The following NF1 variants were observed in gnomAD, a reference collection of about 807,000 sequenced individuals.
NF1 encodes the protein neurofibromin 1, also known as neurofibromin.
A neutral mutation model predicts 325.7 loss-of-function variants in NF1; 122 were observed. The ratio of observed to expected loss-of-function variants is 0.37; its 90% confidence interval spans 0.32 to 0.44. The LOEUF is 0.44. Among genes scored for constraint, NF1 ranks in the 20% least tolerant of loss-of-function variants. The pLI, the probability that NF1 is intolerant of heterozygous loss-of-function variation, is 1.00. For missense variants in NF1, 2,140 were observed against 3,415.4 expected, an observed-to-expected ratio of 0.63 and a Z score of 9.31; for synonymous variants, 1,091 against 1,186.0, an observed-to-expected ratio of 0.92 and a Z score of 1.65.
chr17:31,209,852 T>C lies in NF1; in HGVS notation c.1392+3481T>C, dbSNP rs79058617. On this transcript the variant is annotated intron_variant, in intron 12 of 57. Transcript: ENST00000358273. The stretch of plus-strand genomic sequence containing the variant: ...TTTTAGTAGACCATTTAGCACCATT[T>C]TGGGCAGGCTACTCTTGAACTGTGA... Among the ~76,000 whole-genome samples, 15 of 152,300 alleles carry C rather than the reference T, an allele frequency of 9.8e-5. No homozygotes were observed. The East Asian group carries it at 2.3e-3, about 24-fold the overall frequency.
chr17:31,372,952 G>C (rs977726479), intron 57 of NF1, among the ~76,000 whole-genome samples: 6 of 152,162 alleles, frequency 3.9e-5, no homozygotes, highest in Non-Finnish European at 7.3e-5. Context: ...GAAGTTCAAG[G>C]TTATAGTGAG....
intron 8 of NF1, among the ~76,000 whole-genome samples, chr17:31,194,388 A>G (rs1343557908): frequency 6.6e-6 from 1 of 152,130 alleles, no homozygotes; most frequent in Non-Finnish European, 1.5e-5. Context: ...TGGGAAGGAT[A>G]GGGTGCGGGG....
Position 31,326,112 on chromosome 17 carries a change from G to C in NF1, c.5128G>C (p.Asp1710His), listed in dbSNP as rs1428709938. The C allele has an allele frequency of 6.2e-7, 1 of 1,613,420 alleles. No individual in the cohort carries two copies. Among genetic ancestry groups the C allele is most frequent in the South Asian group, 1.1e-5 (1 of 91,080 alleles). ...AGGTAGCAAAAGGCTTGTTTTCATA[G>C]ACTGTCCTGGGAAACTGGCTGAGCA... ...LKGSKRLVFIDCPGKLAEHIE... is the reference protein window; with the variant it reads ...LKGSKRLVFIHCPGKLAEHIE... Residue 1710 changes from aspartate to histidine, a missense_variant, in exon 37 of 58, where the codon GAC becomes CAC. Transcript: ENST00000358273.
At chr17:31,268,356 C>G (rs1453519456) in intron 36 of NF1, among the ~76,000 whole-genome samples, 1 of 151,760 alleles carries the variant, frequency 6.6e-6, no homozygotes, top group Admixed American at 6.6e-5. Context: ...TGGCTGGGCG[C>G]GGTGGCTCAT....
chr17:31,310,940 C>CT (rs77429998), intron 36 of NF1, among the ~76,000 whole-genome samples: 2,621 of 130,842 alleles, frequency 0.02, 62 homozygotes, highest in African/African-American at 0.055. Context: ...AAGACATGTT[C>CT]TTTTTTTTTT....
At chr17:31,096,006 T>C (rs1157987860) in intron 1 of NF1, among the ~76,000 whole-genome samples, 1 of 152,046 alleles carries the variant, frequency 6.6e-6, no homozygotes, top group African/African-American at 2.4e-5. Flanking sequence ...TGCACATCTT[T>C]GTGATGCCCT....
At chr17:31,294,704 AC>A (rs1285008110) in intron 36 of NF1, 68 of 404,822 alleles carry the variant, frequency 1.7e-4, no homozygotes, top group Non-Finnish European at 1.9e-4. Flanking sequence ...TACATAAAAT[AC>A]ATATTAAAGT....
Position 31,350,188 on chromosome 17 carries a change from C to T in NF1, c.7327C>T (p.Leu2443Phe), listed in dbSNP as rs2151574244. ...TGCCACCGTTTTCCTTTTAGCTTTA[C>T]TTACAGTGTCTGAAGAAGTTCGAAG... ...TQSVAYLAALLTVSEEVRSRC... is the reference protein window; with the variant it reads ...TQSVAYLAALFTVSEEVRSRC... The change falls in exon 50 of 58, where the codon CTT becomes TTT. Residue 2443 changes from leucine to phenylalanine, a missense_variant. By Grantham distance (22) the Leu-to-Phe change is conservative. Around this residue, in one of 10 missense-constraint regions of NF1, gnomAD observed 522 missense variants for 749.0 expected, o/e 0.70. Transcript: ENST00000358273. 6.2e-7 allele frequency: 1 copy of T among 1,613,914 alleles called. No individual in the cohort carries two copies. Among genetic ancestry groups the T allele is most frequent in the Non-Finnish European group, 8.5e-7 (1 of 1,179,876 alleles).
chr17:31,334,986 G>A lies in NF1; in HGVS notation c.5961G>A (p.Gln1987=), dbSNP rs757536610. 23 of 1,613,196 alleles carry A rather than the reference G, an allele frequency of 1.4e-5. No individual in the cohort carries two copies. The African/African-American group carries it at 2.3e-4, about 16-fold the overall frequency. The change falls in exon 40 of 58, where the codon CAG becomes CAA. Residue 1987 remains glutamine (Q), a synonymous_variant. Transcript: ENST00000358273. ...KLITMTINEK[Q]MYPSIQAKIW... Reference sequence around the variant, plus strand: ...TAACAATGACCATCAATGAAAAACAGATGTACCCATCTATTCAAGCAAAAA... The same window carrying A: ...TAACAATGACCATCAATGAAAAACAAATGTACCCATCTATTCAAGCAAAAA...
chr17:31,310,805 C>T (rs1024763141), intron 36 of NF1, among the ~76,000 whole-genome samples: 1 of 152,092 alleles, frequency 6.6e-6, no homozygotes, highest in African/African-American at 2.4e-5. Context: ...TAGGCTGGCA[C>T]TTTGAGGTTT....
intron 4 of NF1, among the ~76,000 whole-genome samples, chr17:31,168,643 G>C (rs529386770): frequency 3.0e-4 from 45 of 152,204 alleles, no homozygotes; most frequent in African/African-American, 9.6e-4. Flanking sequence ...ATTTGGCTGG[G>C]GGGGGACAAG....
In NF1 at chr17:31,334,891, C is replaced by G. The variant is rs747678243; in HGVS notation, c.5866C>G (p.Leu1956Val). ...ATACATGACTCCATGGCTGTCAAAT[C>G]TAGTTCGTTTTTGCAAGCATAATGA... ...LEYMTPWLSN[L>V]VRFCKHNDDA... The change falls in exon 40 of 58, where the codon CTA becomes GTA. Residue 1956 changes from leucine to valine, a missense_variant. Physicochemically the swap from Leu to Val is conservative, Grantham distance 32 (BLOSUM62 1). Coordinates refer to ENST00000358273, the MANE Select transcript of NF1 (RefSeq NM_001042492.3). The G allele has an allele frequency of 4.3e-6, 7 of 1,613,884 alleles. No homozygotes were observed. The South Asian group carries it at 6.6e-5, about 15-fold the overall frequency.
intron 57 of NF1, among the ~76,000 whole-genome samples, chr17:31,368,063 C>T (rs1383597454): frequency 6.6e-6 from 1 of 152,090 alleles, no homozygotes; most frequent in Non-Finnish European, 1.5e-5. Flanking sequence ...TTTTATTCAC[C>T]TGTAATTAAT....
intron 36 of NF1, among the ~76,000 whole-genome samples, chr17:31,271,819 T>C (rs1267096197): frequency 4.0e-5 from 6 of 151,272 alleles, no homozygotes; most frequent in Non-Finnish European, 8.8e-5. Flanking sequence ...CCCCATCCTC[T>C]ATCCCCTATC....
chr17:31,160,136 A>C (rs983360953), intron 3 of NF1, among the ~76,000 whole-genome samples: 1 of 152,198 alleles, frequency 6.6e-6, no homozygotes, highest in Non-Finnish European at 1.5e-5. Context: ...CACAGGCTGA[A>C]GTGCAGTGGC....
chr17:31,180,702 C>T (rs2066112567), intron 5 of NF1, among the ~76,000 whole-genome samples: 2 of 152,188 alleles, frequency 1.3e-5, no homozygotes, highest in African/African-American at 4.8e-5. Flanking sequence ...AGGATGCCCT[C>T]TCTCACCACT....
At chr17:31,104,406 A>G (rs1262780335) in intron 1 of NF1, among the ~76,000 whole-genome samples, 3 of 152,234 alleles carry the variant, frequency 2.0e-5, no homozygotes, top group East Asian at 3.8e-4. Context: ...AAGGAAGTTT[A>G]AGGAGGAGAA....
At chr17:31,186,277 T>C (rs997147964) in intron 8 of NF1, among the ~76,000 whole-genome samples, 2 of 152,068 alleles carry the variant, frequency 1.3e-5, no homozygotes, top group Non-Finnish European at 2.9e-5. Flanking sequence ...CTATGATCAG[T>C]TGGCAGAGGA....
Position 31,336,443 on chromosome 17 carries a change from T to C in NF1, c.6117T>C (p.Ala2039=), listed in dbSNP as rs2069671176. The change falls in exon 41 of 58, where the codon GCT becomes GCC. Residue 2039 remains alanine, a synonymous_variant. Transcript: ENST00000358273. This position sits in a 1 kb window ranked among gnomAD's most constrained non-coding sequence, Gnocchi z 5.5. ...EVMADTAVAL[A]SGNVKLVSSK... is the part of the protein sequence containing the mutation. ...TGGCAGATACTGCTGTAGCTTTGGC[T>C]TCTGGAAATGTGAAATTGGTTTCAA... 1 of 1,614,034 alleles carries C rather than the reference T, an allele frequency of 6.2e-7. No homozygotes were observed. Among genetic ancestry groups the C allele is most frequent in the African/African-American group, 1.3e-5 (1 of 74,930 alleles).
Sources: gnomAD v4.1 joint callset for allele counts (sites outside exome capture counted in the v4.1 genomes callset) on GRCh38, gnomAD v4.1.1 for gene constraint, gnomAD v4.1.1 regional missense constraint, Gnocchi (gnomAD v3.1) non-coding constraint, MANE v1.5 for transcripts, NCBI Gene and HGNC (gene_info 2026-07-23, HGNC 2026-07-21) for gene names.